LRMDA: variants seen among roughly 807,000 people sequenced by gnomAD.
LRMDA encodes the protein leucine rich melanocyte differentiation associated, also known as leucine-rich melanocyte differentiation-associated protein.
Under a neutral mutation model 29.8 loss-of-function variants are expected in LRMDA, and 18 were observed. That is an observed-to-expected ratio of 0.60 (90% CI 0.42 to 0.90). The LOEUF is 0.90. Among genes scored for constraint, LRMDA ranks in the 40% least tolerant of loss-of-function variants. The probability of loss-of-function intolerance (pLI) is 0.00; values close to 1 mark genes in which losing one functional copy is unlikely to be tolerated. For synonymous variants in LRMDA, 125 were observed against 109.4 expected, an observed-to-expected ratio of 1.14 and a Z score of -0.89; for missense variants, 273 against 273.9, an observed-to-expected ratio of 1.00 and a Z score of 0.02.
At chr10:76,358,206 T>C (rs1481606814) in intron 6 of LRMDA, among the ~76,000 whole-genome samples, 2 of 152,228 alleles carry the variant, frequency 1.3e-5, no homozygotes, top group Non-Finnish European at 2.9e-5. Context: ...GAAAAGGCTC[T>C]GGCAGTCCTC....
chr10:75,754,438 T>C (rs1233562750), intron 2 of LRMDA, among the ~76,000 whole-genome samples: 1 of 152,212 alleles, frequency 6.6e-6, no homozygotes, highest in Non-Finnish European at 1.5e-5. Context: ...CTCTTTTCAT[T>C]TTCCCAGCAT....
In LRMDA at chr10:75,438,401, A is replaced by T. The variant is rs1201314447; in HGVS notation, c.38A>T (p.Tyr13Phe). 27 of 1,550,670 alleles carry T rather than the reference A, an allele frequency of 1.7e-5. No homozygotes were observed. The highest frequency in any genetic ancestry group is 2.2e-5 in the Non-Finnish European group (25 of 1,146,794). ...GTTCCATTTAATTTCCAGGTGTCCT[A>T]CATAGGCCAGGACTGCAGAGAAATT... Reference protein sequence around the residue: ...GLVVRGTQVSYIGQDCREIPE... With the variant: ...GLVVRGTQVSFIGQDCREIPE... Residue 13 changes from tyrosine to phenylalanine, a missense_variant, in exon 2 of 7, where the codon TAC becomes TTC. Physicochemically the swap from Tyr to Phe is conservative, Grantham distance 22. Coordinates refer to ENST00000611255, the MANE Select transcript of LRMDA (RefSeq NM_001305581.2).
At chr10:75,640,162 C>T (rs1182737213) in intron 2 of LRMDA, among the ~76,000 whole-genome samples, 1 of 151,570 alleles carries the variant, frequency 6.6e-6, no homozygotes, top group Non-Finnish European at 1.5e-5. Flanking sequence ...TTTTACATGG[C>T]GTTTAAAGGG....
chr10:76,350,033 A>G (rs1052644426), intron 6 of LRMDA, among the ~76,000 whole-genome samples: 6 of 152,158 alleles, frequency 3.9e-5, no homozygotes, highest in African/African-American at 1.4e-4. Context: ...GAATGATACC[A>G]TATAATATCC....
chr10:76,187,232 G>A (rs1851165995), intron 5 of LRMDA, among the ~76,000 whole-genome samples: 1 of 152,166 alleles, frequency 6.6e-6, no homozygotes, highest in African/African-American at 2.4e-5. Context: ...GACAGATGAT[G>A]TGTCTTGTTC....
intron 6 of LRMDA, among the ~76,000 whole-genome samples, chr10:76,423,339 A>G (rs1842089681): frequency 6.6e-6 from 1 of 152,184 alleles, no homozygotes; most frequent in Non-Finnish European, 1.5e-5. Flanking sequence ...GGCTGCAGTG[A>G]GCCATGATTG....
chr10:75,524,433 G>T (rs928867203), intron 2 of LRMDA, among the ~76,000 whole-genome samples: 22 of 152,140 alleles, frequency 1.4e-4, no homozygotes, highest in African/African-American at 4.8e-4. Context: ...TGTAATTTAG[G>T]GTCTTGGTGA....
intron 2 of LRMDA, among the ~76,000 whole-genome samples, chr10:76,013,211 G>C (rs973228881): frequency 6.6e-6 from 1 of 152,126 alleles, no homozygotes; most frequent in African/African-American, 2.4e-5. Context: ...CCAGGAGAAT[G>C]GCTGCCCAGG....
At chr10:76,045,090 A>C (rs1848411316) in intron 3 of LRMDA, among the ~76,000 whole-genome samples, 1 of 129,150 alleles carries the variant, frequency 7.7e-6, no homozygotes, top group African/African-American at 3.1e-5. Context: ...CTCTCTTGCT[A>C]GTTTACCTAT....
intron 2 of LRMDA, among the ~76,000 whole-genome samples, chr10:75,785,651 G>T (rs915076579): frequency 4.6e-5 from 7 of 152,188 alleles, no homozygotes; most frequent in African/African-American, 1.7e-4. Flanking sequence ...TCCACATTGG[G>T]TGTGATATTC....
rs1281439393 is a variant in LRMDA, at chr10:76,500,177, G to GTT, written c.602-57029_602-57028dup. Among the ~76,000 whole-genome samples, 120 of 76,116 alleles carry GTT rather than the reference G, an allele frequency of 1.6e-3. 35 individuals are homozygous for GTT. Among genetic ancestry groups the GTT allele is most frequent in the African/African-American group, 3.6e-3 (114 of 31,368 alleles). The allele number at this position is 76,116 out of a possible 152,430, so 49.9% of individuals were successfully genotyped here. A position where few individuals can be genotyped will look rare whatever the true frequency, so the allele number is the denominator to read the frequency against. On this transcript the variant is annotated intron_variant, in intron 6 of 6. Transcript: ENST00000611255. ...GTATCAGCCACTGGGCCTGGCCTTA[G>GTT]TTTTATATTTTAAAAGCTAAGCACG...
At chr10:76,071,093 C>T (rs1203049291) in intron 5 of LRMDA, among the ~76,000 whole-genome samples, 3 of 152,174 alleles carry the variant, frequency 2.0e-5, no homozygotes, top group Admixed American at 6.5e-5. Context: ...TCGCACTCAA[C>T]TCTCTTAATC....
At chr10:76,215,049 TATC>T (rs1851704904) in intron 5 of LRMDA, among the ~76,000 whole-genome samples, 1 of 152,198 alleles carries the variant, frequency 6.6e-6, no homozygotes, top group Non-Finnish European at 1.5e-5. Flanking sequence ...AATTCCGAAA[TATC>T]ATCTCACAGG....
chr10:76,441,651 C>A lies in LRMDA; in HGVS notation c.602-115558C>A, dbSNP rs1277536621. Among the ~76,000 whole-genome samples the A allele has an allele frequency of 2.0e-5, 3 of 152,162 alleles. No individual in the cohort carries two copies. The East Asian group carries it at 5.8e-4, about 29-fold the overall frequency. On this transcript the variant is annotated intron_variant, in intron 6 of 6. Transcript: ENST00000611255. ...GGAATTGCACAGGGGGAGTGGCAGCCTTTCCAGCCCCCATCCAGCAGGATG... is the reference window on the plus strand; with the variant it reads ...GGAATTGCACAGGGGGAGTGGCAGCATTTCCAGCCCCCATCCAGCAGGATG...
chr10:75,964,076 T>C (rs1302802759), intron 2 of LRMDA, among the ~76,000 whole-genome samples: 1 of 152,182 alleles, frequency 6.6e-6, no homozygotes, highest in Non-Finnish European at 1.5e-5. Context: ...TTTTTCACGT[T>C]CATATTATGA....
chr10:76,375,280 A>C (rs1841502889), intron 6 of LRMDA, among the ~76,000 whole-genome samples: 1 of 150,720 alleles, frequency 6.6e-6, no homozygotes, highest in Non-Finnish European at 1.5e-5. Flanking sequence ...CTCATACAGA[A>C]AAAAAGGACT....
At chr10:76,189,721 A>T (rs537511791) in intron 5 of LRMDA, among the ~76,000 whole-genome samples, 2 of 152,182 alleles carry the variant, frequency 1.3e-5, no homozygotes, top group African/African-American at 4.8e-5. Flanking sequence ...CAGTGTTCCT[A>T]TGTGTTTGCT....
chr10:76,180,081 T>C (rs1851014571), intron 5 of LRMDA, among the ~76,000 whole-genome samples: 1 of 152,098 alleles, frequency 6.6e-6, no homozygotes, highest in Non-Finnish European at 1.5e-5. Context: ...GGGCTGCTGC[T>C]ACTTATAGGA....
At chr10:75,902,648 C>T (rs547490371) in intron 2 of LRMDA, among the ~76,000 whole-genome samples, 3 of 152,330 alleles carry the variant, frequency 2.0e-5, no homozygotes, top group East Asian at 3.9e-4. Context: ...CTTCAGGGAT[C>T]TCACGGGCTT....
Sources: allele counts gnomAD v4.1 joint callset (sites outside exome capture counted in the v4.1 genomes callset), GRCh38; gene constraint gnomAD v4.1.1; transcripts MANE v1.5; gene names NCBI Gene and HGNC (gene_info 2026-07-23, HGNC 2026-07-21).